Variants in CSMD1 observed in about 807,000 individuals in gnomAD.
CSMD1 encodes CUB and Sushi multiple domains 1.
CSMD1 carries 213 observed loss-of-function variants against 417.5 expected under a neutral mutation model. The ratio of observed to expected loss-of-function variants is 0.51; its 90% CI spans 0.46 to 0.57. CSMD1 has a LOEUF of 0.57. CSMD1 is among the 20% of genes least tolerant of loss of function. The pLI, the probability that CSMD1 is intolerant of heterozygous loss-of-function variation, is 0.00. For missense variants in CSMD1, 6,923 were observed against 4,529.7 expected (o/e 1.53, Z -15.17); for synonymous variants, 2,862 against 1,736.8 (o/e 1.65, Z -16.11).
In CSMD1 at chr8:4,262,569, C is replaced by T. The variant is rs141234114; in HGVS notation, c.415+157384G>A. Among the ~76,000 whole-genome samples, 242 of 152,244 alleles carry T rather than the reference C, an allele frequency of 1.6e-3. 2 individuals are homozygous for T. The highest frequency in any genetic ancestry group is 5.6e-3 in the African/African-American group (234 of 41,560). On this transcript the variant is annotated intron_variant, in intron 3 of 69. Coordinates refer to ENST00000635120, the MANE Select transcript of CSMD1 (RefSeq NM_033225.6). ...GCATTTGAAATGCTCGGGACACACACGGAGGAAACTCAGCTCCAACTCCTT... is the reference window on the plus strand; with the variant it reads ...GCATTTGAAATGCTCGGGACACACATGGAGGAAACTCAGCTCCAACTCCTT...
intron 43 of CSMD1, among the ~76,000 whole-genome samples, chr8:3,109,054 C>T (rs1227957800): frequency 6.6e-6 from 1 of 152,148 alleles, no homozygotes; most frequent in African/African-American, 2.4e-5. Context: ...CACCTGAGGT[C>T]AGGAGTTTGA....
intron 2 of CSMD1, among the ~76,000 whole-genome samples, chr8:4,549,452 C>T (rs1797771060): frequency 6.6e-6 from 1 of 152,060 alleles, no homozygotes; most frequent in Non-Finnish European, 1.5e-5. Context: ...TTTTAATTGA[C>T]TCTGTTAAAT....
At chr8:4,587,700 G>C (rs17063270) in intron 2 of CSMD1, among the ~76,000 whole-genome samples, 19,036 of 152,108 alleles carry the variant, frequency 0.13, 1,453 homozygotes, top group African/African-American at 0.22. Context: ...CTGGTTAAGA[G>C]ATTTTCTCCA....
chr8:4,707,908 A>G (rs1311805874), intron 1 of CSMD1, among the ~76,000 whole-genome samples: 1 of 36,222 alleles, frequency 2.8e-5, no homozygotes. Context: ...AAAAAAAAAA[A>G]AAAAAAAAAA....
At chr8:3,183,170 TAGG>T (rs1821526970) in intron 36 of CSMD1, 1 of 134,668 alleles carries the variant, frequency 7.4e-6, no homozygotes. Context: ...AAACATCGAG[TAGG>T]TCTCTAACGC....
chr8:3,817,241 A>ATATCT (rs1563109806), intron 5 of CSMD1, among the ~76,000 whole-genome samples: 7 of 89,598 alleles, frequency 7.8e-5, no homozygotes, highest in East Asian at 4.6e-4. Context: ...AAGTGGTCAT[A>ATATCT]TCTTCTTCTT....
intron 1 of CSMD1, among the ~76,000 whole-genome samples, chr8:4,752,138 G>A (rs1811372386): frequency 3.3e-5 from 5 of 151,870 alleles, no homozygotes; most frequent in Admixed American, 2.0e-4. Context: ...TCATATATAT[G>A]TATCTCAGTT....
chr8:3,847,074 G>A lies in CSMD1; in HGVS notation c.819-93032C>T, dbSNP rs1239931885. On this transcript the variant is annotated intron_variant, in intron 5 of 69. Coordinates refer to ENST00000635120, the MANE Select transcript of CSMD1 (RefSeq NM_033225.6). ...CAGGTTTAGAAGCCCTTCCAGGGTG[G>A]GGGAAGGCAGGATCCTAAGAGGACC... Among the ~76,000 whole-genome samples the A allele has an allele frequency of 6.6e-5, 10 of 152,208 alleles. No homozygotes were observed. The East Asian group carries it at 1.2e-3, about 18-fold the overall frequency.
At chr8:4,489,232 T>A (rs1416840492) in intron 2 of CSMD1, among the ~76,000 whole-genome samples, 1 of 152,192 alleles carries the variant, frequency 6.6e-6, no homozygotes, top group South Asian at 2.1e-4. Flanking sequence ...TTCTTACATA[T>A]TTTCTACTTA....
chr8:4,410,290 A>C (rs1169486486), intron 3 of CSMD1, among the ~76,000 whole-genome samples: 1 of 152,226 alleles, frequency 6.6e-6, no homozygotes, highest in Non-Finnish European at 1.5e-5. Flanking sequence ...AAGGGAAAAC[A>C]AATTGAGGTA....
intron 38 of CSMD1, among the ~76,000 whole-genome samples, chr8:3,161,213 G>A (rs1404946247): frequency 6.6e-6 from 1 of 152,140 alleles, no homozygotes; most frequent in African/African-American, 2.4e-5. Flanking sequence ...ACTATTCTGA[G>A]AGTAGGCTTA....
chr8:4,362,205 C>T (rs940620758), intron 3 of CSMD1, among the ~76,000 whole-genome samples: 1 of 152,052 alleles, frequency 6.6e-6, no homozygotes, highest in Admixed American at 6.5e-5. Flanking sequence ...CTGTATTTTC[C>T]AAAGGATCCT....
At chr8:4,040,560 G>A (rs994560989) in intron 3 of CSMD1, among the ~76,000 whole-genome samples, 27 of 152,160 alleles carry the variant, frequency 1.8e-4, no homozygotes, top group African/African-American at 6.3e-4. Flanking sequence ...TTAGATCTAC[G>A]GTGTTCACAA....
chr8:4,866,214 T>C (rs1487056926), intron 1 of CSMD1, among the ~76,000 whole-genome samples: 1 of 151,956 alleles, frequency 6.6e-6, no homozygotes, highest in Non-Finnish European at 1.5e-5. Context: ...AAGCTTTCTA[T>C]AAAAACTTAA....
At chr8:3,670,602 GCA>G (rs202145675) in intron 7 of CSMD1, among the ~76,000 whole-genome samples, 41 of 102,740 alleles carry the variant, frequency 4.0e-4, no homozygotes, top group Middle Eastern at 5.6e-3. Context: ...TATATATATT[GCA>G]CATATATATG....
At position 3,544,303 on chromosome 8, in the gene CSMD1, T is replaced by C. The variant is rs557682160; in HGVS notation, c.1344+30642A>G. On this transcript the variant is annotated intron_variant, in intron 10 of 69. Coordinates refer to ENST00000635120, the MANE Select transcript of CSMD1 (RefSeq NM_033225.6). ...TAATTTTGCTTTAAAGAAAATAATA[T>C]AGATTCTTGCAAAATATAGTAATTC... 2.4e-4 allele frequency among the ~76,000 whole-genome samples: 36 copies of C among 152,314 alleles called. 1 individual carries two copies. The highest frequency in any genetic ancestry group is 7.0e-4 in the African/African-American group (29 of 41,574).
At chr8:3,059,971 G>A (rs1377939395) in intron 49 of CSMD1, among the ~76,000 whole-genome samples, 1 of 152,096 alleles carries the variant, frequency 6.6e-6, no homozygotes, top group Non-Finnish European at 1.5e-5. Flanking sequence ...CAATTAGGCA[G>A]TGGGTATTAG....
chr8:4,436,115 T>C (rs1225938940), intron 2 of CSMD1, among the ~76,000 whole-genome samples: 1 of 152,140 alleles, frequency 6.6e-6, no homozygotes, highest in Non-Finnish European at 1.5e-5. Flanking sequence ...GCTAAATATA[T>C]TCTTCATTTC....
chr8:3,803,240 C>T (rs1800554649), intron 5 of CSMD1, among the ~76,000 whole-genome samples: 1 of 152,162 alleles, frequency 6.6e-6, no homozygotes, highest in African/African-American at 2.4e-5. Flanking sequence ...CCCATTCTGA[C>T]TGCTTGGCAT....
Sources: allele counts gnomAD v4.1 joint callset (sites outside exome capture counted in the v4.1 genomes callset), GRCh38; gene constraint gnomAD v4.1.1; transcripts MANE v1.5; gene names NCBI Gene and HGNC (gene_info 2026-07-23, HGNC 2026-07-21).